The following SLC39A12 variants were observed in gnomAD, a reference collection of about 807,000 sequenced individuals.
SLC39A12 encodes the protein zinc transporter ZIP12.
In SLC39A12, 63 loss-of-function variants were observed where a neutral mutation model predicts 71.1. The observed-to-expected ratio is 0.89, with a 90% CI of 0.72 to 1.09. The LOEUF is 1.09. SLC39A12 is among the 50% of genes least tolerant of loss of function. The probability of loss-of-function intolerance (pLI) is 0.00; values close to 1 mark genes in which losing one functional copy is unlikely to be tolerated. For synonymous variants in SLC39A12, 351 were observed against 301.3 expected (o/e 1.16, Z -1.71); for missense variants, 892 against 812.6 (o/e 1.10, Z -1.19).
At chr10:17,979,484 A>G (rs181859985) in intron 5 of SLC39A12, among the ~76,000 whole-genome samples, 53 of 152,322 alleles carry the variant, frequency 3.5e-4, no homozygotes, top group African/African-American at 8.9e-4. Context: ...TAGGAATTGT[A>G]TTATGAAACT....
At chr10:18,023,141 C>G (rs1370030125) in intron 12 of SLC39A12, among the ~76,000 whole-genome samples, 1 of 152,278 alleles carries the variant, frequency 6.6e-6, no homozygotes, top group African/African-American at 2.4e-5. Flanking sequence ...CTTTTTGTTC[C>G]TTCCCCAGCT....
At chr10:18,006,976 C>T (rs147197792) in intron 12 of SLC39A12, among the ~76,000 whole-genome samples, 42 of 152,252 alleles carry the variant, frequency 2.8e-4, no homozygotes, top group African/African-American at 9.9e-4. Flanking sequence ...AAATAGCACA[C>T]GTGTGATGTC....
intron 6 of SLC39A12, among the ~76,000 whole-genome samples, chr10:17,983,675 G>A (rs975021718): frequency 3.3e-5 from 5 of 152,048 alleles, no homozygotes; most frequent in East Asian, 3.9e-4. Context: ...CCAGCTACTC[G>A]GGAGGCTGAG....
chr10:17,963,178 G>GA lies in SLC39A12; in HGVS notation c.543+1326dup, dbSNP rs1216693161. 7.5e-4 allele frequency among the ~76,000 whole-genome samples: 109 copies of GA among 145,848 alleles called. No homozygotes were observed. In the East Asian group the frequency reaches 8.6e-3, roughly 11 times the overall value. ...CCTATCTCTAAAAGAAGAAAAGCAG[G>GA]AAAAAAAAAAGAAAAGAAAAAGGGG... On this transcript the variant is annotated intron_variant, in intron 3 of 12. Coordinates refer to ENST00000377369, the MANE Select transcript of SLC39A12 (RefSeq NM_001145195.2).
intron 12 of SLC39A12, among the ~76,000 whole-genome samples, chr10:18,039,650 C>G (rs940237704): frequency 1.3e-5 from 2 of 152,050 alleles, no homozygotes; most frequent in Non-Finnish European, 2.9e-5. Context: ...ATTGCTTGAG[C>G]CCAGGAGTTC....
At chr10:18,011,528 C>T (rs1295418702) in intron 12 of SLC39A12, among the ~76,000 whole-genome samples, 6 of 152,268 alleles carry the variant, frequency 3.9e-5, no homozygotes, top group Middle Eastern at 3.4e-3. Flanking sequence ...GGCTATAAGT[C>T]GTTAAGTTTT....
At chr10:18,007,962 A>C (rs1365377431) in intron 12 of SLC39A12, among the ~76,000 whole-genome samples, 1 of 152,192 alleles carries the variant, frequency 6.6e-6, no homozygotes, top group Non-Finnish European at 1.5e-5. Flanking sequence ...GCTCCTATTC[A>C]AGATGGATTA....
At chr10:18,017,219 C>T (rs1325308909) in intron 12 of SLC39A12, among the ~76,000 whole-genome samples, 1 of 152,092 alleles carries the variant, frequency 6.6e-6, no homozygotes, top group Non-Finnish European at 1.5e-5. Flanking sequence ...CATTGCTATA[C>T]CTAAGGTCAC....
intron 12 of SLC39A12, among the ~76,000 whole-genome samples, chr10:18,033,354 C>T: frequency 6.7e-6 from 1 of 149,442 alleles, no homozygotes; most frequent in African/African-American, 2.5e-5. Flanking sequence ...TTCAGAGATT[C>T]AACTTCTTCC....
chr10:17,989,346 C>A (rs185565183), intron 7 of SLC39A12, among the ~76,000 whole-genome samples: 2 of 152,344 alleles, frequency 1.3e-5, no homozygotes, highest in Non-Finnish European at 2.9e-5. Context: ...GTTTTAATTG[C>A]CCTCATAATC....
At position 17,987,502 on chromosome 10, in the gene SLC39A12, G is replaced by C; in HGVS notation, c.1120G>C (p.Val374Leu). ...LEKYGYSTVA[V>L]TLLTLGSMLG... ...AGAATACGGCTACAGCACGGTGGCTGTCACCCTTCTCACACTGGGCTCCAT... is the reference window on the plus strand; with the variant it reads ...AGAATACGGCTACAGCACGGTGGCTCTCACCCTTCTCACACTGGGCTCCAT... The change falls in exon 7 of 13, where the codon GTC becomes CTC. Residue 374 changes from valine (V) to leucine (L), a missense_variant. By Grantham distance (32) the Val-to-Leu change is conservative. Coordinates refer to ENST00000377369, the MANE Select transcript of SLC39A12 (RefSeq NM_001145195.2). 1 of 1,613,796 alleles carries C rather than the reference G, an allele frequency of 6.2e-7. No individual in the cohort carries two copies. Among genetic ancestry groups the C allele is most frequent in the Non-Finnish European group, 8.5e-7 (1 of 1,179,928 alleles).
intron 10 of SLC39A12, among the ~76,000 whole-genome samples, chr10:17,998,343 A>C (rs554981570): frequency 2.0e-5 from 3 of 152,228 alleles, no homozygotes; most frequent in Admixed American, 6.5e-5. Context: ...TATGCTATTA[A>C]TATCAAGGCT....
intron 4 of SLC39A12, among the ~76,000 whole-genome samples, chr10:17,972,471 C>T (rs1317765704): frequency 6.6e-6 from 1 of 152,148 alleles, no homozygotes; most frequent in Non-Finnish European, 1.5e-5. Context: ...TGGCTTATGT[C>T]TCTCTGTAGC....
At chr10:18,003,924 A>G (rs1310869846) in intron 12 of SLC39A12, among the ~76,000 whole-genome samples, 1 of 152,356 alleles carries the variant, frequency 6.6e-6, no homozygotes, top group East Asian at 1.9e-4. Flanking sequence ...TGAATTGCCA[A>G]AAGGACAATT....
chr10:17,999,219 A>G (rs1253127180), intron 10 of SLC39A12, among the ~76,000 whole-genome samples: 5 of 148,922 alleles, frequency 3.4e-5, no homozygotes, highest in African/African-American at 1.2e-4. Context: ...TGCTTGAACC[A>G]CAGAGGCGGA....
intron 12 of SLC39A12, among the ~76,000 whole-genome samples, chr10:18,022,334 C>A (rs1294440788): frequency 6.8e-6 from 1 of 148,084 alleles, no homozygotes; most frequent in Admixed American, 6.7e-5. Flanking sequence ...TTTTTTAGTT[C>A]TTTTTTGTTT....
chr10:17,967,759 C>A (rs1330166705), intron 4 of SLC39A12, among the ~76,000 whole-genome samples: 3 of 151,020 alleles, frequency 2.0e-5, no homozygotes, highest in African/African-American at 4.9e-5. Context: ...TGATGGCGGG[C>A]GCCTGTAGTC....
At chr10:18,030,026 G>C (rs146291143) in intron 12 of SLC39A12, among the ~76,000 whole-genome samples, 3,271 of 150,696 alleles carry the variant, frequency 0.022, 35 homozygotes, top group South Asian at 0.04. Flanking sequence ...GTATCCAAGA[G>C]ATACTATGGT....
In SLC39A12 at chr10:17,991,146, T is replaced by C. The variant is rs1564648980; in HGVS notation, c.1270-5T>C. ...CTGCCTTTTTTTTTTTTTTTTCCCC[T>C]GAAGGTTCTTGGTTTACATAAGCAG... On this transcript the variant is annotated splice_polypyrimidine_tract_variant and splice_region_variant and intron_variant, in intron 7 of 12. Coordinates refer to ENST00000377369, the MANE Select transcript of SLC39A12 (RefSeq NM_001145195.2). 1.1e-5 allele frequency: 15 copies of C among 1,414,588 alleles called. No individual in the cohort carries two copies. Among genetic ancestry groups the C allele is most frequent in the African/African-American group, 1.5e-5 (1 of 66,986 alleles). 87.6% of individuals were successfully genotyped at this position (1,414,588 alleles called of 1,614,324 possible). A position where few individuals can be genotyped will look rare whatever the true frequency, so the allele number is the denominator to read the frequency against.
Sources: gnomAD v4.1 joint callset for allele counts (sites outside exome capture counted in the v4.1 genomes callset) on GRCh38, gnomAD v4.1.1 for gene constraint, MANE v1.5 for transcripts, NCBI Gene and HGNC (gene_info 2026-07-23, HGNC 2026-07-21) for gene names.